BRCA2: variants seen among roughly 807,000 people sequenced by gnomAD.
The protein encoded by BRCA2 is breast cancer type 2 susceptibility protein.
A neutral mutation model predicts 276.7 loss-of-function variants in BRCA2; 203 were observed. The ratio of observed to expected loss-of-function variants is 0.73; its 90% CI spans 0.65 to 0.82. The LOEUF (loss-of-function observed/expected upper bound fraction) is 0.82. Ranked by LOEUF, BRCA2 falls within the 40% of genes least tolerant of loss-of-function variation. BRCA2 has a pLI of 0.00. For synonymous variants in BRCA2, 1,289 were observed against 1,338.4 expected (o/e 0.96, Z 0.81); for missense variants, 3,920 against 3,915.0 (o/e 1.00, Z -0.03).
intron 12 of BRCA2, among the ~76,000 whole-genome samples, chr13:32,344,926 T>C (rs1296292674): frequency 2.0e-5 from 3 of 152,174 alleles, no homozygotes; most frequent in Non-Finnish European, 4.4e-5. Flanking sequence ...ATTTGGAAGA[T>C]ATGAGTTCAC....
chr13:32,362,388 T>C, intron 16 of BRCA2, 135 bp from the exon 17 acceptor site: 2 of 821,280 alleles, frequency 2.4e-6, no homozygotes, highest in South Asian at 3.4e-5. Context: ...TGAAATTATA[T>C]TGTAGATCAT....
At chr13:32,316,876 T>G (rs931138243) in intron 2 of BRCA2, among the ~76,000 whole-genome samples, 1 of 152,252 alleles carries the variant, frequency 6.6e-6, no homozygotes, top group Non-Finnish European at 1.5e-5. Context: ...CTTTTGTTTA[T>G]GTAGCTTACC....
chr13:32,364,981 G>T (rs2072770556), intron 18 of BRCA2, among the ~76,000 whole-genome samples: 1 of 152,082 alleles, frequency 6.6e-6, no homozygotes, highest in Non-Finnish European at 1.5e-5. Context: ...AAAGGAGCAT[G>T]CAAGCTTTTT....
rs760773155 is a variant in BRCA2 at position 32,338,716 on chromosome 13, C to T, written c.4361C>T (p.Pro1454Leu). 6.3e-7 allele frequency: 1 copy of T among 1,596,160 alleles called. No homozygotes were observed. Among genetic ancestry groups the T allele is most frequent in the South Asian group, 1.1e-5 (1 of 88,154 alleles). The change falls in exon 11 of 27, where the codon CCA (proline) becomes CTA (leucine). Residue 1454 changes from proline to leucine, a missense_variant. Around this residue, in one of 2 missense-constraint regions of BRCA2, gnomAD observed 3,263 missense variants for 3,156.9 expected, o/e 1.03. Coordinates refer to ENST00000380152, the MANE Select transcript of BRCA2 (RefSeq NM_000059.4). ...ATTGTAAATTTCTTTGATCAGAAAC[C>T]AGAAGAATTGCATAACTTTTCCTTA... The part of the protein sequence containing the change: ...NKIVNFFDQK[P>L]EELHNFSLNS...
At chr13:32,361,338 T>C (rs930534408) in intron 16 of BRCA2, among the ~76,000 whole-genome samples, 2 of 152,180 alleles carry the variant, frequency 1.3e-5, no homozygotes, top group African/African-American at 4.8e-5. Context: ...ACTAATGTTA[T>C]TAAAAATAGC....
rs28897746 is a variant in BRCA2, at chr13:32,363,259, T to C, written c.8057T>C (p.Leu2686Pro). 6.2e-7 allele frequency: 1 copy of C among 1,614,144 alleles called. No individual in the cohort carries two copies. Among genetic ancestry groups the C allele is most frequent in the Non-Finnish European group, 8.5e-7 (1 of 1,180,000 alleles). ...MERDDTAAKT[L>P]VLCVSDIISL... ...AGGGATGACACAGCTGCAAAAACAC[T>C]TGTTCTCTGTGTTTCTGACATAATT... The change falls in exon 18 of 27, where the codon CTT becomes CCT. Residue 2686 changes from leucine (L) to proline (P), a missense_variant. Coordinates refer to ENST00000380152, the MANE Select transcript of BRCA2 (RefSeq NM_000059.4).
At chr13:32,366,103 A>G (rs1470007976) in intron 18 of BRCA2, among the ~76,000 whole-genome samples, 1 of 152,196 alleles carries the variant, frequency 6.6e-6, no homozygotes, top group Non-Finnish European at 1.5e-5. Context: ...AGCAATTCCT[A>G]AAAATTTAGA....
rs570977721 is a variant in BRCA2 at position 32,387,015 on chromosome 13, G to A, written c.9256+6870G>A. Among the ~76,000 whole-genome samples, 274 of 146,808 alleles carry A rather than the reference G, an allele frequency of 1.9e-3. 3 individuals are homozygous for A. The South Asian group carries it at 0.039, about 21-fold the overall frequency. On this transcript the variant is annotated intron_variant, in intron 24 of 26. Transcript: ENST00000380152. ...TCTGGTGATTTGCTGGCATTTTTTG[G>A]CATTCTTTGGCTTGTAGATGTCTCA...
In BRCA2 at chr13:32,337,740, C is replaced by T. The variant is rs1555283209; in HGVS notation, c.3385C>T (p.Gln1129Ter). The T allele has an allele frequency of 6.2e-7, 1 of 1,613,608 alleles. No homozygotes were observed. The highest frequency in any genetic ancestry group is 8.5e-7 in the Non-Finnish European group (1 of 1,179,784). ...ATCAGGAAGTCAGTTTGAATTTACT[C>T]AGTTTAGAAAACCAAGCTACATATT... ...EESGSQFEFT[Q>*]FRKPSYILQK... Residue 1129 changes from glutamine to a stop codon, truncating the protein, a stop_gained, in exon 11 of 27, where the codon CAG becomes TAG. Transcript: ENST00000380152. LOFTEE classifies it high-confidence loss of function.
Position 32,339,733 on chromosome 13 carries a change from A to G in BRCA2, c.5378A>G (p.Asn1793Ser), listed in dbSNP as rs80358759. 6 of 1,613,830 alleles carry G rather than the reference A, an allele frequency of 3.7e-6. No individual in the cohort carries two copies. The highest frequency in any genetic ancestry group is 3.3e-5 in the South Asian group (3 of 91,060). The change falls in exon 11 of 27, where the codon AAT becomes AGT. Residue 1793 changes from asparagine to serine, a missense_variant. This residue lies in a region of BRCA2 where 3,263 missense variants were observed against 3,156.9 expected (regional missense o/e 1.03). Coordinates refer to ENST00000380152, the MANE Select transcript of BRCA2 (RefSeq NM_000059.4). ...KNTSFSKVIS[N>S]VKDANAYPQT... Reference sequence around the variant, plus strand: ...ACTAGTTTTTCCAAAGTAATATCCAATGTAAAAGATGCAAATGCATACCCA... The same window carrying G: ...ACTAGTTTTTCCAAAGTAATATCCAGTGTAAAAGATGCAAATGCATACCCA...
At chr13:32,323,596 T>C (rs2072322632) in intron 3 of BRCA2, among the ~76,000 whole-genome samples, 1 of 152,242 alleles carries the variant, frequency 6.6e-6, no homozygotes, top group African/African-American at 2.4e-5. Flanking sequence ...TATTAGTGAT[T>C]ATGTCTAGTC....
chr13:32,355,079 C>T lies in BRCA2; in HGVS notation c.7226C>T (p.Pro2409Leu), dbSNP rs759999459. The change falls in exon 14 of 27, where the codon CCT becomes CTT. Residue 2409 changes from proline (P) to leucine (L), a missense_variant. Physicochemically the swap from Pro to Leu is moderately conservative, Grantham distance 98. This residue lies in a region of BRCA2 where 3,263 missense variants were observed against 3,156.9 expected (regional missense o/e 1.03). Transcript: ENST00000380152. ...TGRPTKVFVP[P>L]FKTKSHFHRV... ...AGACCAACCAAAGTCTTTGTTCCAC[C>T]TTTTAAAACTAAATCACATTTTCAC... The T allele has an allele frequency of 1.2e-6, 2 of 1,613,722 alleles. No individual in the cohort carries two copies. Among genetic ancestry groups the T allele is most frequent in the Non-Finnish European group, 1.7e-6 (2 of 1,179,840 alleles).
At position 32,332,585 on chromosome 13, in the gene BRCA2, T is replaced by C. The variant is rs876659793; in HGVS notation, c.1107T>C (p.Asn369=). The C allele has an allele frequency of 6.2e-7, 1 of 1,613,688 alleles. No homozygotes were observed. The highest frequency in any genetic ancestry group is 8.5e-7 in the Non-Finnish European group (1 of 1,179,826). ...EPNDTDPLDS[N]VANQKPFESG... is the part of the protein sequence containing the mutation. Reference sequence around the variant, plus strand: ...ATGATACTGATCCATTAGATTCAAATGTAGCAAATCAGAAGCCCTTTGAGA... The same window carrying C: ...ATGATACTGATCCATTAGATTCAAACGTAGCAAATCAGAAGCCCTTTGAGA... The change falls in exon 10 of 27, where the codon AAT becomes AAC. Residue 369 remains asparagine, a synonymous_variant. Transcript: ENST00000380152.
Position 32,336,785 on chromosome 13 carries a change from C to T in BRCA2, c.2430C>T (p.Thr810=), listed in dbSNP as rs1323967601. Residue 810 remains threonine, a synonymous_variant, in exon 11 of 27, where the codon ACC becomes ACT. Transcript: ENST00000380152. ...ATTATGAATCTGATGTTGAATTAAC[C>T]AAAAATATTCCCATGGAAAAGAATC... The part of the protein sequence containing the change: ...GNNYESDVEL[T]KNIPMEKNQD... 5.6e-6 allele frequency: 9 copies of T among 1,607,716 alleles called. No individual in the cohort carries two copies. The highest frequency in any genetic ancestry group is 7.6e-6 in the Non-Finnish European group (9 of 1,177,816).
In BRCA2 at chr13:32,362,698, G is replaced by C. The variant is rs786201180; in HGVS notation, c.7976+5G>C. 6.2e-7 allele frequency: 1 copy of C among 1,614,042 alleles called. No homozygotes were observed. Among genetic ancestry groups the C allele is most frequent in the Non-Finnish European group, 8.5e-7 (1 of 1,179,938 alleles). ...GCTTCTTCAACTAAAATACAGGCAAGTTTAAAGCATTACATTACGTAATCA... is the reference window on the plus strand; with the variant it reads ...GCTTCTTCAACTAAAATACAGGCAACTTTAAAGCATTACATTACGTAATCA... On this transcript the variant is annotated splice_donor_5th_base_variant and intron_variant, in intron 17 of 26. Transcript: ENST00000380152.
chr13:32,329,403 T>A (rs757944858), intron 7 of BRCA2, 40 bp from the exon 8 acceptor site: 1 of 1,453,534 alleles, frequency 6.9e-7, no homozygotes, highest in South Asian at 1.2e-5. Flanking sequence ...TTTTGCATTC[T>A]AGTGATAATA....
At chr13:32,385,061 A>G (rs1210678682) in intron 24 of BRCA2, 4 of 307,658 alleles carry the variant, frequency 1.3e-5, no homozygotes, top group Non-Finnish European at 2.0e-5. Flanking sequence ...CCTTTCTGTC[A>G]CAGAATGGAA....
At chr13:32,332,172 C>T (rs1401839446) in intron 9 of BRCA2, 100 bp from the exon 10 acceptor site, 4 of 1,176,380 alleles carry the variant, frequency 3.4e-6, no homozygotes, top group African/African-American at 1.6e-5. Flanking sequence ...TAATATTTAG[C>T]ACATTCTACA....
intron 10 of BRCA2, among the ~76,000 whole-genome samples, chr13:32,335,171 C>T (rs1218154398): frequency 6.6e-6 from 1 of 151,946 alleles, no homozygotes; most frequent in Non-Finnish European, 1.5e-5. Flanking sequence ...TGGTAAAACC[C>T]CATCTCTATG....
Sources: allele counts gnomAD v4.1 joint callset (sites outside exome capture counted in the v4.1 genomes callset), GRCh38; gene constraint gnomAD v4.1.1; regional missense constraint gnomAD v4.1.1; transcripts MANE v1.5; gene names NCBI Gene and HGNC (gene_info 2026-07-23, HGNC 2026-07-21).